CBFA2T2: variants seen among roughly 807,000 people sequenced by gnomAD.
The protein encoded by CBFA2T2 is protein CBFA2T2.
Under a neutral mutation model 62.2 loss-of-function variants are expected in CBFA2T2, and 11 were observed. That is an observed-to-expected ratio of 0.18 (90% CI 0.11 to 0.29). CBFA2T2 has a LOEUF of 0.29. CBFA2T2 is among the 10% of genes least tolerant of loss of function. CBFA2T2 has a pLI of 1.00. For synonymous variants in CBFA2T2, 295 were observed against 287.5 expected, an observed-to-expected ratio of 1.03 and a Z score of -0.27; for missense variants, 592 against 774.1, an observed-to-expected ratio of 0.76 and a Z score of 2.79.
chr20:33,507,157 G>A (rs2011416973), intron 1 of CBFA2T2, among the ~76,000 whole-genome samples: 1 of 152,146 alleles, frequency 6.6e-6, no homozygotes, highest in African/African-American at 2.4e-5. Context: ...TCATTACAGT[G>A]ACTAAAAGTT....
At chr20:33,603,810 A>G (rs894453613) in intron 1 of CBFA2T2, among the ~76,000 whole-genome samples, 16 of 152,366 alleles carry the variant, frequency 1.1e-4, no homozygotes, top group African/African-American at 3.6e-4. Context: ...GCACATAACT[A>G]TCATTTTCAT....
chr20:33,578,490 T>G (rs2013936743), intron 1 of CBFA2T2, among the ~76,000 whole-genome samples: 1 of 152,222 alleles, frequency 6.6e-6, no homozygotes, highest in Admixed American at 6.5e-5. Flanking sequence ...CTTAGAGCTT[T>G]TAGCACTTTC....
At chr20:33,623,735 A>G (rs1172377047) in intron 5 of CBFA2T2, 1 of 698,368 alleles carries the variant, frequency 1.4e-6, no homozygotes, top group Non-Finnish European at 2.6e-6. Context: ...AATGTCTCAG[A>G]CTTTCTGTGG....
intron 1 of CBFA2T2, among the ~76,000 whole-genome samples, chr20:33,512,224 C>G (rs2011523498): frequency 6.6e-6 from 1 of 151,600 alleles, no homozygotes; most frequent in Non-Finnish European, 1.5e-5. Flanking sequence ...GCGGTGTGCA[C>G]CTGTTAATCC....
At chr20:33,580,155 G>T (rs2014046382) in intron 1 of CBFA2T2, among the ~76,000 whole-genome samples, 1 of 151,918 alleles carries the variant, frequency 6.6e-6, no homozygotes, top group South Asian at 2.1e-4. Context: ...AGATATTCTT[G>T]AATTTTAAAA....
intron 1 of CBFA2T2, among the ~76,000 whole-genome samples, chr20:33,551,324 C>A (rs1019928820): frequency 1.3e-5 from 2 of 151,478 alleles, no homozygotes; most frequent in Non-Finnish European, 1.5e-5. Context: ...TCAAGTGATT[C>A]TCCTGCCTCA....
Position 33,563,919 on chromosome 20 carries a change from A to G in CBFA2T2, c.35-43037A>G, listed in dbSNP as rs79315899. Among the ~76,000 whole-genome samples, 519 of 152,148 alleles carry G rather than the reference A, an allele frequency of 3.4e-3. 23 individuals carry two copies. The East Asian group carries it at 0.089, about 26-fold the overall frequency. On this transcript the variant is annotated intron_variant, in intron 1 of 10. Transcript: ENST00000342704. ...TGTCTGCATCTATTCTAAATGTTCTATGCTATATTTGCCAAACTATACCAG... is the reference window on the plus strand; with the variant it reads ...TGTCTGCATCTATTCTAAATGTTCTGTGCTATATTTGCCAAACTATACCAG...
chr20:33,504,583 T>C (rs1195286147), intron 1 of CBFA2T2, among the ~76,000 whole-genome samples: 2 of 151,950 alleles, frequency 1.3e-5, no homozygotes, highest in African/African-American at 4.8e-5. Context: ...TTTGTATTTT[T>C]AGTAGAGATG....
intron 5 of CBFA2T2, among the ~76,000 whole-genome samples, chr20:33,624,355 C>T (rs1168149693): frequency 6.8e-6 from 1 of 147,916 alleles, no homozygotes; most frequent in Non-Finnish European, 1.5e-5. Flanking sequence ...AAAAAAGACA[C>T]AATTGGATTT....
At chr20:33,569,929 T>C (rs2013477660) in intron 1 of CBFA2T2, among the ~76,000 whole-genome samples, 1 of 152,178 alleles carries the variant, frequency 6.6e-6, no homozygotes, top group African/African-American at 2.4e-5. Context: ...CCCTATGGTG[T>C]GTGCCTCTTG....
chr20:33,589,435 T>G (rs2014518746), intron 1 of CBFA2T2, among the ~76,000 whole-genome samples: 1 of 152,258 alleles, frequency 6.6e-6, no homozygotes, highest in African/African-American at 2.4e-5. Context: ...ACCTTTATTT[T>G]GTTTACTTTC....
At chr20:33,644,212 G>A (rs1254401671) in intron 10 of CBFA2T2, 135 bp from the exon 11 acceptor site, 16 of 850,688 alleles carry the variant, frequency 1.9e-5, no homozygotes, top group East Asian at 5.2e-5. Context: ...AGTAGAGGGC[G>A]GAGTTGACCA....
chr20:33,611,177 T>G lies in CBFA2T2; in HGVS notation c.262T>G (p.Ser88Ala). 6.2e-7 allele frequency: 1 copy of G among 1,614,200 alleles called. No individual in the cohort carries two copies. The highest frequency in any genetic ancestry group is 8.5e-7 in the Non-Finnish European group (1 of 1,180,028). The change falls in exon 3 of 11, where the codon TCC becomes GCC. Residue 88 changes from serine to alanine, a missense_variant. Ser to Ala is a moderately conservative substitution (Grantham distance 99). Around this residue, in one of 3 missense-constraint regions of CBFA2T2, gnomAD observed 449 missense variants for 551.2 expected, o/e 0.81. Transcript: ENST00000342704. The stretch of plus-strand genomic sequence containing the variant: ...GAGATTCAGCAATGGTCCTGCCTCC[T>G]CCACATCATCTGCACTCACAAATCA... ...PQRFSNGPASSTSSALTNQQL... is the reference protein window; with the variant it reads ...PQRFSNGPASATSSALTNQQL...
At chr20:33,568,189 TAGAA>T (rs1487875867) in intron 1 of CBFA2T2, among the ~76,000 whole-genome samples, 2 of 152,174 alleles carry the variant, frequency 1.3e-5, no homozygotes, top group South Asian at 2.1e-4. Context: ...AGGATTTAAT[TAGAA>T]AGAAATTAGC....
chr20:33,638,727 G>A (rs1248218815), intron 9 of CBFA2T2: 2 of 152,190 alleles, frequency 1.3e-5, no homozygotes, highest in South Asian at 2.1e-4. Context: ...GTGGACTTAC[G>A]TAGGGAGCTA....
Position 33,649,142 on chromosome 20 carries a change from A to G in CBFA2T2, c.*4496A>G, listed in dbSNP as rs2017157549. ...AAGGTTTCCAGGCTCCCAGGTCAGT[A>G]GACCAAACCAACTTCCTTAGATTTT... On this transcript the variant is annotated 3_prime_UTR_variant, in exon 11 of 11. Coordinates refer to ENST00000342704, the MANE Select transcript of CBFA2T2 (RefSeq NM_001032999.3). The G allele has an allele frequency of 6.6e-6, 1 of 152,192 alleles. No individual in the cohort carries two copies. Among genetic ancestry groups the G allele is most frequent in the African/African-American group, 2.4e-5 (1 of 41,444 alleles). 9.4% of individuals were successfully genotyped at this position (152,192 alleles called of 1,614,324 possible).
chr20:33,560,850 G>A (rs967855186), intron 1 of CBFA2T2, among the ~76,000 whole-genome samples: 9 of 151,976 alleles, frequency 5.9e-5, no homozygotes, highest in Non-Finnish European at 8.8e-5. Flanking sequence ...CAAGACCCCC[G>A]CCTTCCCCTG....
At position 33,571,943 on chromosome 20, in the gene CBFA2T2, T is replaced by C. The variant is rs146832197; in HGVS notation, c.35-35013T>C. Among the ~76,000 whole-genome samples, 1,243 of 152,288 alleles carry C rather than the reference T, an allele frequency of 8.2e-3. 15 individuals carry two copies. Among genetic ancestry groups the C allele is most frequent in the Admixed American group, 0.037 (559 of 15,294 alleles). ...TCTCGCTCTGTCGCCCAGGCTGGAGTGCAGTGGCACAATCCCGGCTCACCA... is the reference window on the plus strand; with the variant it reads ...TCTCGCTCTGTCGCCCAGGCTGGAGCGCAGTGGCACAATCCCGGCTCACCA... On this transcript the variant is annotated intron_variant, in intron 1 of 10. Transcript: ENST00000342704.
intron 1 of CBFA2T2, among the ~76,000 whole-genome samples, chr20:33,570,804 T>G (rs1281798446): frequency 6.6e-6 from 1 of 152,188 alleles, no homozygotes; most frequent in Non-Finnish European, 1.5e-5. Flanking sequence ...TGTTTTAATT[T>G]TATTAAGTTG....
Sources: allele counts gnomAD v4.1 joint callset (sites outside exome capture counted in the v4.1 genomes callset), GRCh38; gene constraint gnomAD v4.1.1; regional missense constraint gnomAD v4.1.1; transcripts MANE v1.5; gene names NCBI Gene and HGNC (gene_info 2026-07-23, HGNC 2026-07-21).